The following ARVCF variants were observed in gnomAD, a reference collection of about 807,000 sequenced individuals.
ARVCF encodes ARVCF delta catenin family member, also known as splicing regulator ARVCF.
Under a neutral mutation model 90.9 loss-of-function variants are expected in ARVCF, and 66 were observed. That is an observed-to-expected ratio of 0.73 (90% confidence interval 0.60 to 0.89). The LOEUF (loss-of-function observed/expected upper bound fraction) is 0.89, where lower values mean the gene tolerates loss of function less well. Among genes scored for constraint, ARVCF ranks in the 40% least tolerant of loss-of-function variants. ARVCF has a pLI of 0.00. For synonymous variants in ARVCF, 653 were observed against 603.4 expected (o/e 1.08, Z -1.21); for missense variants, 1,469 against 1,382.3 (o/e 1.06, Z -1.00).
Position 19,977,826 on chromosome 22 carries a change from G to A in ARVCF, c.1698+132C>T, listed in dbSNP as rs569582679. ...CACTTCAGTGTGGTCACTGCGAGGC[G>A]GGCCACACCCAGAACGCCACCCCAG... On this transcript the variant is annotated intron_variant, in intron 8 of 19. Coordinates refer to ENST00000263207, the MANE Select transcript of ARVCF (RefSeq NM_001670.3). 5.9e-5 allele frequency: 68 copies of A among 1,154,416 alleles called. No individual in the cohort carries two copies. The East Asian group carries it at 1.2e-3, about 21-fold the overall frequency. The allele number at this position is 1,154,416 out of a possible 1,614,324, so 71.5% of individuals were successfully genotyped here.
At chr22:19,986,827 C>T (rs996448495) in intron 3 of ARVCF, 23 of 427,432 alleles carry the variant, frequency 5.4e-5, no homozygotes, top group African/African-American at 4.8e-4. Context: ...CCCGACCCCC[C>T]CAGGCCCCGC....
rs1049838041 is a variant in ARVCF, at chr22:19,969,943, T to C, written c.*813A>G. The C allele has an allele frequency of 7.1e-6, 7 of 985,574 alleles. No individual in the cohort carries two copies. The South Asian group carries it at 2.8e-4, about 40-fold the overall frequency. The allele number at this position is 985,574 out of a possible 1,614,324, so 61.1% of individuals were successfully genotyped here. A position where few individuals can be genotyped will look rare whatever the true frequency, so the allele number is the denominator to read the frequency against. On this transcript the variant is annotated 3_prime_UTR_variant, in exon 20 of 20. Transcript: ENST00000263207. ...AAATTTTCTTACAAAAATTTAGGTG[T>C]TTACCAATAGTCTTATTTTGGCTTA...
Position 19,982,022 on chromosome 22 carries a change from C to T in ARVCF, c.280G>A (p.Val94Met), listed in dbSNP as rs371690919. ...PEAPDVLEETVTVEEDPGTPT... is the reference protein window; with the variant it reads ...PEAPDVLEETMTVEEDPGTPT... ...GTGCCGGGGTCCTCCTCCACCGTCA[C>T]GGTCTCCTCCAGCACATCAGGTGCC... Residue 94 changes from valine to methionine, a missense_variant, in exon 4 of 20, where the codon GTG becomes ATG. Physicochemically the swap from Val to Met is conservative, Grantham distance 21 (BLOSUM62 1). Transcript: ENST00000263207. The T allele has an allele frequency of 1.2e-5, 20 of 1,612,860 alleles. No individual in the cohort carries two copies. The highest frequency in any genetic ancestry group is 6.7e-5 in the Admixed American group (4 of 60,002).
chr22:19,977,717 G>A lies in ARVCF; in HGVS notation c.1699-131C>T, dbSNP rs1943240223. The A allele has an allele frequency of 4.6e-6, 6 of 1,295,356 alleles. No individual in the cohort carries two copies. The African/African-American group carries it at 7.5e-5, about 16-fold the overall frequency. The allele number at this position is 1,295,356 out of a possible 1,614,324, so 80.2% of individuals were successfully genotyped here. ...AACAGGGAGTCCTCAGTGGAGGGGA[G>A]CAAAAGGGCGGTAACCGCCAGGAAG... On this transcript the variant is annotated intron_variant, in intron 8 of 19. Coordinates refer to ENST00000263207, the MANE Select transcript of ARVCF (RefSeq NM_001670.3).
intron 16 of ARVCF, 146 bp from the exon 17 acceptor site, chr22:19,972,557 G>A (rs771247117): frequency 4.0e-5 from 49 of 1,231,402 alleles, no homozygotes; most frequent in African/African-American, 7.5e-5. Flanking sequence ...CCTCACCCCA[G>A]CTTGACAACA....
Position 19,979,545 on chromosome 22 carries a change from G to A in ARVCF, c.1396+198C>T, listed in dbSNP as rs887204. On this transcript the variant is annotated intron_variant, in intron 6 of 19. Transcript: ENST00000263207. ...CGAGGGGCGCAGCGTCAGCCTCCCT[G>A]CTATGGTAGAGACTGGGGAACCTGT... The A allele has an allele frequency of 0.66, 537,979 of 817,398 alleles. 182,810 individuals are homozygous for A. Among genetic ancestry groups the A allele is most frequent in the Non-Finnish European group, 0.72 (387,153 of 540,352 alleles). 50.6% of individuals were successfully genotyped at this position (817,398 alleles called of 1,614,324 possible).
chr22:19,991,077 G>T (rs1050726048), intron 2 of ARVCF, among the ~76,000 whole-genome samples: 8 of 152,250 alleles, frequency 5.3e-5, no homozygotes, highest in Admixed American at 5.2e-4. Context: ...AACATGGGCC[G>T]TGGGCGGCTT....
chr22:19,987,242 A>G (rs1943836539), intron 3 of ARVCF: 1 of 233,266 alleles, frequency 4.3e-6, no homozygotes, highest in Non-Finnish European at 8.2e-6. Flanking sequence ...CGAGCAGCCA[A>G]TCGGGCGGGG....
At chr22:20,016,171 C>T (rs1194150732) in intron 1 of ARVCF, among the ~76,000 whole-genome samples, 1 of 152,176 alleles carries the variant, frequency 6.6e-6, no homozygotes, top group Non-Finnish European at 1.5e-5. Context: ...AGGAAAGTTC[C>T]CGGCCTGCCG....
chr22:19,993,736 G>A (rs1025188616), intron 2 of ARVCF, among the ~76,000 whole-genome samples: 3 of 152,226 alleles, frequency 2.0e-5, no homozygotes, highest in Non-Finnish European at 4.4e-5. Flanking sequence ...CACAGCCCAC[G>A]AGTGACCAGA....
At chr22:20,016,297 T>G (rs1444486290) in intron 1 of ARVCF, among the ~76,000 whole-genome samples, 4 of 151,738 alleles carry the variant, frequency 2.6e-5, no homozygotes, top group African/African-American at 9.7e-5. Context: ...GAGTGCTCAG[T>G]GCAAGACGCC....
chr22:19,990,576 G>A lies in ARVCF; in HGVS notation c.210+9C>T, dbSNP rs1943988249. The A allele has an allele frequency of 2.5e-6, 4 of 1,602,360 alleles. No individual in the cohort carries two copies. The highest frequency in any genetic ancestry group is 3.4e-6 in the Non-Finnish European group (4 of 1,172,830). On this transcript the variant is annotated intron_variant, in intron 3 of 19. Coordinates refer to ENST00000263207, the MANE Select transcript of ARVCF (RefSeq NM_001670.3). ...AATTTTCACCCTTCCCAAGTCACTA[G>A]GCTGTTACCTGGAGGACCAGCTGTT...
chr22:19,977,092 G>A (rs1943199035), intron 9 of ARVCF, among the ~76,000 whole-genome samples: 1 of 152,206 alleles, frequency 6.6e-6, no homozygotes, highest in African/African-American at 2.4e-5. Flanking sequence ...CAGTGAGCAG[G>A]CAGCAGCCAT....
intron 7 of ARVCF, among the ~76,000 whole-genome samples, chr22:19,978,418 T>C (rs559850320): frequency 6.0e-4 from 92 of 152,204 alleles, no homozygotes; most frequent in South Asian, 2.3e-3. Context: ...GCCACCCCAA[T>C]GGCAGCTCTG....
chr22:19,978,946 G>A lies in ARVCF; in HGVS notation c.1531C>T (p.Arg511Trp), dbSNP rs558960170. The A allele has an allele frequency of 3.7e-5, 59 of 1,613,072 alleles. No homozygotes were observed. Among genetic ancestry groups the A allele is most frequent in the East Asian group, 4.5e-5 (2 of 44,884 alleles). The change falls in exon 7 of 20, where the codon CGG (arginine) becomes TGG (tryptophan). Residue 511 changes from arginine (R) to tryptophan (W), a missense_variant. Arg to Trp is a moderately radical substitution (Grantham distance 101). Transcript: ENST00000263207. ...AAGACAGTTGTCCACTCGGCGTCCC[G>A]TGGCTTGGAGTCCTCGTTGGGCTCA... ...EREPNEDSKP[R>W]DAEWTTVFKN...
At chr22:19,973,618 G>A (rs1942972916) in intron 13 of ARVCF, 25 bp downstream of exon 13, 1 of 1,591,298 alleles carries the variant, frequency 6.3e-7, no homozygotes, top group Admixed American at 1.7e-5. Flanking sequence ...CGGTGCCCAG[G>A]CGTGGGCTTT....
At chr22:19,995,429 C>T (rs1277671215) in intron 2 of ARVCF, among the ~76,000 whole-genome samples, 3 of 151,866 alleles carry the variant, frequency 2.0e-5, no homozygotes, top group Non-Finnish European at 4.4e-5. Context: ...GAAGGAAATG[C>T]TGGAACCTCA....
At chr22:19,969,231 C>T (rs986733835), downstream of ARVCF, 1 of 157,592 alleles carries the variant, frequency 6.3e-6, no homozygotes, top group Non-Finnish European at 1.4e-5. Flanking sequence ...GCCAGGGGCA[C>T]CTGTTAGCCC....
chr22:19,974,807 C>T (rs2146260482), intron 11 of ARVCF, among the ~76,000 whole-genome samples: 2 of 152,262 alleles, frequency 1.3e-5, no homozygotes, highest in South Asian at 4.1e-4. Context: ...GGCAGCTGCC[C>T]TAGCAACAGG....
Sources: allele counts gnomAD v4.1 joint callset (sites outside exome capture counted in the v4.1 genomes callset), GRCh38; gene constraint gnomAD v4.1.1; transcripts MANE v1.5; gene names NCBI Gene and HGNC (gene_info 2026-07-23, HGNC 2026-07-21).